SPECC1: variants seen among roughly 807,000 people sequenced by gnomAD.
SPECC1 encodes the protein cytospin-B.
SPECC1 carries 62 observed loss-of-function variants against 104.1 expected under a neutral mutation model. The observed-to-expected ratio is 0.60, with a 90% CI of 0.49 to 0.74. The LOEUF (loss-of-function observed/expected upper bound fraction) is 0.74, where lower values mean the gene tolerates loss of function less well. Among genes scored for constraint, SPECC1 ranks in the 30% least tolerant of loss-of-function variants. SPECC1 has a pLI of 0.00. For missense variants in SPECC1, 1,306 were observed against 1,310.5 expected, an observed-to-expected ratio of 1.00 and a Z score of 0.05; for synonymous variants, 513 against 501.6, an observed-to-expected ratio of 1.02 and a Z score of -0.30.
chr17:20,010,389 C>T (rs1336788329), intron 1 of SPECC1, among the ~76,000 whole-genome samples: 1 of 152,168 alleles, frequency 6.6e-6, no homozygotes, highest in Non-Finnish European at 1.5e-5. Flanking sequence ...GGGCACAAGT[C>T]AGCCCTTCAG....
intron 12 of SPECC1, among the ~76,000 whole-genome samples, chr17:20,295,175 C>T (rs973149994): frequency 8.5e-6 from 1 of 118,058 alleles, no homozygotes; most frequent in African/African-American, 3.2e-5. Context: ...CCCCCCTCCC[C>T]CCACCCCATG....
rs2046329284 is a variant in SPECC1, at chr17:20,065,539, C to T, written c.-21-31092C>T. Among the ~76,000 whole-genome samples the T allele has an allele frequency of 2.6e-5, 4 of 152,216 alleles. No homozygotes were observed. In the South Asian group the frequency reaches 8.3e-4, roughly 32 times the overall value. On this transcript the variant is annotated intron_variant, in intron 1 of 14. Transcript: ENST00000395527. ...AAGGATGGGGAAGGGCATAGAGCTT[C>T]CACGCCTTCCCTGGGTGCACTACCC...
At chr17:20,019,169 G>A (rs1303171185) in intron 1 of SPECC1, among the ~76,000 whole-genome samples, 2 of 151,988 alleles carry the variant, frequency 1.3e-5, no homozygotes, top group African/African-American at 4.8e-5. Flanking sequence ...TTGAAGCCAG[G>A]AATTTGAGAC....
At chr17:20,224,904 G>T (rs2038110594) in intron 4 of SPECC1, among the ~76,000 whole-genome samples, 1 of 152,106 alleles carries the variant, frequency 6.6e-6, no homozygotes, top group Admixed American at 6.5e-5. Context: ...GGAATGCACT[G>T]GGTCACACCT....
intron 3 of SPECC1, 42 bp from the exon 4 acceptor site, chr17:20,204,291 G>T: frequency 6.4e-7 from 1 of 1,570,668 alleles, no homozygotes; most frequent in South Asian, 1.2e-5. Context: ...TTATAAGAAT[G>T]CTTGCTTTAT....
At position 20,276,413 on chromosome 17, in the gene SPECC1, T is replaced by G. The variant is rs528476688; in HGVS notation, c.2940+16119T>G. On this transcript the variant is annotated intron_variant, in intron 12 of 14. Coordinates refer to ENST00000395527, the MANE Select transcript of SPECC1 (RefSeq NM_001243439.2). ...TGGGATTACAAGTGTGGAGCCACTT[T>G]GCCCAGCTCCTTTATTTTCAGCCTT... Among the ~76,000 whole-genome samples the G allele has an allele frequency of 8.5e-5, 13 of 152,346 alleles. No homozygotes were observed. The East Asian group carries it at 2.5e-3, about 29-fold the overall frequency.
At chr17:20,193,987 A>G (rs1433698677) in intron 3 of SPECC1, among the ~76,000 whole-genome samples, 1 of 152,258 alleles carries the variant, frequency 6.6e-6, no homozygotes, top group East Asian at 1.9e-4. Context: ...CTAGAATTTA[A>G]TAACAGGTGT....
chr17:20,131,342 A>T (rs751056217), intron 3 of SPECC1, among the ~76,000 whole-genome samples: 1 of 151,166 alleles, frequency 6.6e-6, no homozygotes, highest in African/African-American at 2.4e-5. Context: ...CAGGCATGCT[A>T]ATTTTTTTGT....
intron 11 of SPECC1, among the ~76,000 whole-genome samples, chr17:20,257,902 G>T (rs2039891094): frequency 6.6e-6 from 1 of 152,184 alleles, no homozygotes; most frequent in African/African-American, 2.4e-5. Flanking sequence ...GGCTCTAAAG[G>T]TACCATTACA....
chr17:20,215,228 T>A (rs1167017619), intron 4 of SPECC1, among the ~76,000 whole-genome samples: 1 of 152,202 alleles, frequency 6.6e-6, no homozygotes, highest in African/African-American at 2.4e-5. Flanking sequence ...TCACATATGC[T>A]GAGGTTTGTG....
intron 4 of SPECC1, among the ~76,000 whole-genome samples, chr17:20,206,816 G>T (rs2036814752): frequency 6.6e-6 from 1 of 152,120 alleles, no homozygotes; most frequent in African/African-American, 2.4e-5. Flanking sequence ...ATTCATCCTA[G>T]CGGTCATGAG....
chr17:20,115,285 C>T (rs1783565811), intron 3 of SPECC1, among the ~76,000 whole-genome samples: 2 of 152,034 alleles, frequency 1.3e-5, no homozygotes, highest in South Asian at 4.1e-4. Context: ...CTAGCCTGGC[C>T]AACATGGTGA....
chr17:20,107,160 A>AAG (rs2048255461), intron 2 of SPECC1, among the ~76,000 whole-genome samples: 1 of 150,088 alleles, frequency 6.7e-6, no homozygotes, highest in African/African-American at 2.4e-5. Flanking sequence ...AAAAAAAAAA[A>AAG]AAAAAAAAAG....
intron 4 of SPECC1, among the ~76,000 whole-genome samples, chr17:20,212,747 T>C (rs1230931586): frequency 6.6e-6 from 1 of 152,240 alleles, no homozygotes; most frequent in African/African-American, 2.4e-5. Flanking sequence ...GCATTGCAAT[T>C]CCTTCCATCT....
chr17:20,250,046 C>G (rs1280598215), intron 9 of SPECC1, among the ~76,000 whole-genome samples: 1 of 151,864 alleles, frequency 6.6e-6, no homozygotes, highest in Admixed American at 6.6e-5. Flanking sequence ...TAAAAGCACC[C>G]AAAAGAAAAA....
intron 7 of SPECC1, among the ~76,000 whole-genome samples, chr17:20,244,513 G>A (rs2039338256): frequency 1.3e-5 from 2 of 151,948 alleles, no homozygotes; most frequent in African/African-American, 4.8e-5. Context: ...CTCATAAGAA[G>A]GGACTGTGGA....
intron 9 of SPECC1, among the ~76,000 whole-genome samples, chr17:20,249,168 C>T (rs1444015909): frequency 6.6e-6 from 1 of 152,138 alleles, no homozygotes; most frequent in Non-Finnish European, 1.5e-5. Flanking sequence ...GCCTGTAATC[C>T]TAGCATTTTG....
chr17:20,169,277 C>T (rs543189350), intron 3 of SPECC1, among the ~76,000 whole-genome samples: 1 of 152,330 alleles, frequency 6.6e-6, no homozygotes, highest in East Asian at 1.9e-4. Context: ...ACTATCTACT[C>T]AGGGGCATAG....
chr17:20,206,352 A>C (rs2703808), intron 4 of SPECC1, among the ~76,000 whole-genome samples: 107,777 of 152,040 alleles, frequency 0.71, 39,998 homozygotes, highest in East Asian at 0.99. Context: ...CAGTAACAGA[A>C]AATGAAATCA....
Sources: allele counts gnomAD v4.1 joint callset (sites outside exome capture counted in the v4.1 genomes callset), GRCh38; gene constraint gnomAD v4.1.1; transcripts MANE v1.5; gene names NCBI Gene and HGNC (gene_info 2026-07-23, HGNC 2026-07-21).